C2CD2L: variants seen among roughly 807,000 people sequenced by gnomAD.
C2CD2L encodes the protein phospholipid transfer protein C2CD2L.
A neutral mutation model predicts 69.9 loss-of-function variants in C2CD2L; 24 were observed. The ratio of observed to expected loss-of-function variants is 0.34; its 90% CI spans 0.25 to 0.48. The LOEUF (loss-of-function observed/expected upper bound fraction) is 0.48. Ranked by LOEUF, C2CD2L falls within the 20% of genes least tolerant of loss-of-function variation. The pLI is 0.99. For missense variants in C2CD2L, 811 were observed against 941.5 expected (o/e 0.86, Z 1.81); for synonymous variants, 367 against 391.0 (o/e 0.94, Z 0.72).
intron 7 of C2CD2L, chr11:119,112,030 G>A (rs1026422719): frequency 2.7e-5 from 13 of 476,850 alleles, no homozygotes; most frequent in African/African-American, 1.2e-4. Context: ...AAGTATTCTC[G>A]GCAGAGGGAA....
At position 119,111,083 on chromosome 11, in the gene C2CD2L, T is replaced by A; in HGVS notation, c.713T>A (p.Ile238Asn). Residue 238 changes from isoleucine (I) to asparagine (N), a missense_variant, in exon 5 of 14, where the codon ATT becomes AAT. Physicochemically the swap from Ile to Asn is moderately radical, Grantham distance 149. Transcript: ENST00000648610. ...GAAGAACAAGTGGAGCTCTCCACAA[T>A]TGAGGAACTGATCAAGGATGCCATA... ...RGEEQVELST[I>N]EELIKDAIVS... 1.9e-6 allele frequency: 3 copies of A among 1,614,094 alleles called. No homozygotes were observed. The highest frequency in any genetic ancestry group is 2.5e-6 in the Non-Finnish European group (3 of 1,180,004).
rs1172037474 is a variant in C2CD2L, at chr11:119,118,150, T to C, written c.*1894T>C. ...AGGTTTCTTACATGCATATATTGCA[T>C]GCATAGAGGTGAAGTCTGGGCTTTT... is the stretch of plus-strand genomic sequence containing the variant. On this transcript the variant is annotated 3_prime_UTR_variant, in exon 14 of 14. Coordinates refer to ENST00000648610, the MANE Select transcript of C2CD2L (RefSeq NM_001290474.2). 1 of 152,194 alleles carries C rather than the reference T, an allele frequency of 6.6e-6. No individual in the cohort carries two copies. The highest frequency in any genetic ancestry group is 2.4e-5 in the African/African-American group (1 of 41,444). 9.4% of individuals were successfully genotyped at this position (152,194 alleles called of 1,614,324 possible).
chr11:119,113,700 C>T lies in C2CD2L; in HGVS notation c.1477C>T (p.His493Tyr), dbSNP rs1946810188. The T allele has an allele frequency of 1.2e-6, 2 of 1,614,106 alleles. No individual in the cohort carries two copies. The highest frequency in any genetic ancestry group is 3.3e-4 in the Middle Eastern group (2 of 6,062). The change falls in exon 11 of 14, where the codon CAT (histidine) becomes TAT (tyrosine). Residue 493 changes from histidine (H) to tyrosine (Y), a missense_variant. His to Tyr is a moderately conservative substitution (Grantham distance 83). Coordinates refer to ENST00000648610, the MANE Select transcript of C2CD2L (RefSeq NM_001290474.2). The part of the protein sequence containing the change: ...SESSGPSNTS[H>Y]SSSRDSHLSN... ...GAGCAGTGGCCCCAGCAATACCTCC[C>T]ATAGCAGCAGCCGTGAGTGGGGAAT... is the stretch of plus-strand genomic sequence containing the variant.
chr11:119,112,951 G>A, intron 10 of C2CD2L, 77 bp downstream of exon 10: 1 of 1,230,474 alleles, frequency 8.1e-7, no homozygotes, highest in Non-Finnish European at 1.1e-6. Context: ...CAGTGAAAGA[G>A]GAGAGAGCCT....
Position 119,112,561 on chromosome 11 carries a change from C to T in C2CD2L, c.1164C>T (p.Thr388=). The T allele has an allele frequency of 6.2e-7, 1 of 1,612,992 alleles. No individual in the cohort carries two copies. Among genetic ancestry groups the T allele is most frequent in the Non-Finnish European group, 8.5e-7 (1 of 1,179,718 alleles). ...PLSRRQLCPL[T]PGPGKALGPA... The stretch of plus-strand genomic sequence containing the variant: ...CTCGAAGACAGTTGTGCCCACTCAC[C>T]CCAGGGCCAGGGAAAGCCCTGGGAC... The change falls in exon 9 of 14, where the codon ACC becomes ACT. Residue 388 remains threonine (T), a synonymous_variant. Coordinates refer to ENST00000648610, the MANE Select transcript of C2CD2L (RefSeq NM_001290474.2).
chr11:119,112,740 C>T lies in C2CD2L; in HGVS notation c.1253C>T (p.Pro418Leu). 2 of 1,613,952 alleles carry T rather than the reference C, an allele frequency of 1.2e-6. No homozygotes were observed. Among genetic ancestry groups the T allele is most frequent in the Non-Finnish European group, 1.7e-6 (2 of 1,179,894 alleles). Residue 418 changes from proline to leucine, a missense_variant, in exon 10 of 14, where the codon CCC becomes CTC. By Grantham distance (98) the Pro-to-Leu change is moderately conservative. Transcript: ENST00000648610. ...EEGSPRNLGT[P>L]TSSTPRPSIT... ...GGCTCTCCCCGGAACCTGGGTACTC[C>T]CACCTCCTCCACTCCACGCCCCAGC...
intron 8 of C2CD2L, 35 bp from the exon 9 acceptor site, chr11:119,112,447 A>G: frequency 1.2e-6 from 2 of 1,613,804 alleles, no homozygotes; most frequent in Non-Finnish European, 1.7e-6. Context: ...GGGTCTGGCC[A>G]TGGGCCCAGC....
At chr11:119,105,029 GA>G (rs1186914599), upstream of C2CD2L, among the ~76,000 whole-genome samples, 2 of 152,200 alleles carry the variant, frequency 1.3e-5, no homozygotes, top group East Asian at 3.8e-4. Context: ...AAATGGCATA[GA>G]AATTCTCAAA....
Position 119,113,910 on chromosome 11 carries a change from G to A in C2CD2L, c.1545G>A (p.Gln515=). 1 of 1,614,202 alleles carries A rather than the reference G, an allele frequency of 6.2e-7. No individual in the cohort carries two copies. Among genetic ancestry groups the A allele is most frequent in the East Asian group, 2.2e-5 (1 of 44,876 alleles). Residue 515 remains glutamine, a synonymous_variant, in exon 12 of 14, where the codon CAG becomes CAA. Coordinates refer to ENST00000648610, the MANE Select transcript of C2CD2L (RefSeq NM_001290474.2). ...CTGTAGCAGAGACAGCGATTCGCCAGCTGACAGAGCCCAGTGGGCGGGTGG... is the reference window on the plus strand; with the variant it reads ...CTGTAGCAGAGACAGCGATTCGCCAACTGACAGAGCCCAGTGGGCGGGTGG... ...LDPVAETAIR[Q]LTEPSGRVAK...
chr11:119,112,689 C>T lies in C2CD2L; in HGVS notation c.1213-11C>T. 1 of 1,612,620 alleles carries T rather than the reference C, an allele frequency of 6.2e-7. No individual in the cohort carries two copies. The highest frequency in any genetic ancestry group is 8.5e-7 in the Non-Finnish European group (1 of 1,179,198). On this transcript the variant is annotated splice_polypyrimidine_tract_variant and intron_variant, in intron 9 of 13. Transcript: ENST00000648610. ...GAGGCTCTGTCTCTTCTCTCTCCCA[C>T]CCCTGGGCAGCTTCACTATGAGGAG...
chr11:119,110,721 T>A lies in C2CD2L; in HGVS notation c.570+41T>A, dbSNP rs1946715881. On this transcript the variant is annotated intron_variant, in intron 3 of 13. Coordinates refer to ENST00000648610, the MANE Select transcript of C2CD2L (RefSeq NM_001290474.2). This position sits in a 1 kb window ranked among gnomAD's most constrained non-coding sequence, Gnocchi z 5.7. The stretch of plus-strand genomic sequence containing the variant: ...GGAAACTGAGTTGGGCAGGGGCGGT[T>A]CCATTGGCTCAGCTTCTTCCATTTG... The A allele has an allele frequency of 7.4e-6, 12 of 1,611,834 alleles. No individual in the cohort carries two copies. Among genetic ancestry groups the A allele is most frequent in the Non-Finnish European group, 1.0e-5 (12 of 1,178,284 alleles).
chr11:119,108,225 C>T (rs1946642158), intron 1 of C2CD2L, 130 bp downstream of exon 1: 1 of 583,512 alleles, frequency 1.7e-6, no homozygotes, highest in Admixed American at 3.8e-5. Flanking sequence ...CTTCCCCTCC[C>T]GGATCAGAGA....
chr11:119,118,026 C>T lies in C2CD2L; in HGVS notation c.*1770C>T, dbSNP rs1030921298. The T allele has an allele frequency of 6.6e-6, 1 of 152,142 alleles. No individual in the cohort carries two copies. Among genetic ancestry groups the T allele is most frequent in the Admixed American group, 6.5e-5 (1 of 15,278 alleles). 9.4% of individuals were successfully genotyped at this position (152,142 alleles called of 1,614,324 possible). On this transcript the variant is annotated 3_prime_UTR_variant, in exon 14 of 14. Coordinates refer to ENST00000648610, the MANE Select transcript of C2CD2L (RefSeq NM_001290474.2). ...TTACTATTCCCCATGCTCCTGTCCA[C>T]ACTACTCACCAAATATGAGATATCC...
In C2CD2L at chr11:119,110,778, G is replaced by C. The variant is rs1018278928; in HGVS notation, c.571-69G>C. 3.7e-6 allele frequency: 6 copies of C among 1,606,182 alleles called. No individual in the cohort carries two copies. The highest frequency in any genetic ancestry group is 5.1e-6 in the Non-Finnish European group (6 of 1,174,034). Reference sequence around the variant, plus strand: ...CTCTGGGATGGAATTCAGGAAGGGAGAGTCCTCGAATTAGGAGTCCTTGGG... The same window carrying C: ...CTCTGGGATGGAATTCAGGAAGGGACAGTCCTCGAATTAGGAGTCCTTGGG... On this transcript the variant is annotated intron_variant, in intron 3 of 13. Coordinates refer to ENST00000648610, the MANE Select transcript of C2CD2L (RefSeq NM_001290474.2). The surrounding 1 kb of genome is among the most constrained non-coding windows in gnomAD (Gnocchi z 5.7).
At chr11:119,112,978 T>G (rs1435101332) in intron 10 of C2CD2L, 104 bp downstream of exon 10, 3 of 902,304 alleles carry the variant, frequency 3.3e-6, no homozygotes, top group Non-Finnish European at 1.7e-6. Context: ...CAACTCCCCC[T>G]GTTTTCAGAC....
upstream of C2CD2L, chr11:119,106,697 T>G (rs1212179880): frequency 6.6e-6 from 1 of 152,186 alleles, no homozygotes; most frequent in Admixed American, 6.5e-5. Context: ...GCTGTTACTA[T>G]GGAAATACAT....
At position 119,112,754 on chromosome 11, in the gene C2CD2L, C is replaced by G. The variant is rs773933044; in HGVS notation, c.1267C>G (p.Pro423Ala). ...CCTGGGTACTCCCACCTCCTCCACT[C>G]CACGCCCCAGCATCACACCTACCAA... ...RNLGTPTSST[P>A]RPSITPTKKI... Residue 423 changes from proline (P) to alanine (A), a missense_variant, in exon 10 of 14, where the codon CCA becomes GCA. Coordinates refer to ENST00000648610, the MANE Select transcript of C2CD2L (RefSeq NM_001290474.2). 4 of 1,614,074 alleles carry G rather than the reference C, an allele frequency of 2.5e-6. No individual in the cohort carries two copies. Among genetic ancestry groups the G allele is most frequent in the Non-Finnish European group, 3.4e-6 (4 of 1,179,938 alleles).
chr11:119,115,971 T>C (rs889872251), intron 13 of C2CD2L, 74 bp from the exon 14 acceptor site: 4 of 1,218,534 alleles, frequency 3.3e-6, no homozygotes, highest in Non-Finnish European at 4.7e-6. Flanking sequence ...CCCTCCATTC[T>C]CCATCGTGTC....
In C2CD2L at chr11:119,116,135, C is replaced by T. The variant is rs1236536891; in HGVS notation, c.2000C>T (p.Ser667Phe). 6.2e-6 allele frequency: 10 copies of T among 1,614,244 alleles called. No homozygotes were observed. Among genetic ancestry groups the T allele is most frequent in the Non-Finnish European group, 8.5e-6 (10 of 1,180,048 alleles). The change falls in exon 14 of 14, where the codon TCC becomes TTC. Residue 667 changes from serine to phenylalanine, a missense_variant. Coordinates refer to ENST00000648610, the MANE Select transcript of C2CD2L (RefSeq NM_001290474.2). ...CTGAGCCAATCACACGATGACCTCTCCAACGCAACGGCCACGCCCAGTGTC... is the reference window on the plus strand; with the variant it reads ...CTGAGCCAATCACACGATGACCTCTTCAACGCAACGGCCACGCCCAGTGTC... ...AGLSQSHDDLSNATATPSVRK... is the reference protein window; with the variant it reads ...AGLSQSHDDLFNATATPSVRK...
Sources: gnomAD v4.1 joint callset for allele counts (sites outside exome capture counted in the v4.1 genomes callset) on GRCh38, gnomAD v4.1.1 for gene constraint, Gnocchi (gnomAD v3.1) non-coding constraint, MANE v1.5 for transcripts, NCBI Gene and HGNC (gene_info 2026-07-23, HGNC 2026-07-21) for gene names.